PLEC: variants seen among roughly 807,000 people sequenced by gnomAD.
PLEC encodes plectin.
A neutral mutation model predicts 392.8 loss-of-function variants in PLEC; 216 were observed. The ratio of observed to expected loss-of-function variants is 0.55; its 90% CI spans 0.49 to 0.62. The LOEUF is 0.62. PLEC is among the 20% of genes least tolerant of loss of function. The probability of loss-of-function intolerance (pLI) is 0.00; values close to 1 mark genes in which losing one functional copy is unlikely to be tolerated. For missense variants in PLEC, 6,863 were observed against 6,563.4 expected (o/e 1.05, Z -1.58); for synonymous variants, 3,621 against 2,980.6 (o/e 1.21, Z -7.00).
At chr8:143,974,333 G>A (rs888655668), upstream of PLEC, among the ~76,000 whole-genome samples, 2 of 152,252 alleles carry the variant, frequency 1.3e-5, no homozygotes, top group South Asian at 4.1e-4. This position sits in a 1 kb window ranked among gnomAD's most constrained non-coding sequence, Gnocchi z 5.9. Context: ...GAAAGCCCAG[G>A]CGTGGGAACG....
At position 143,922,625 on chromosome 8, in the gene PLEC, T is replaced by G; in HGVS notation, c.7304A>C (p.Glu2435Ala). The G allele has an allele frequency of 6.2e-7, 1 of 1,613,644 alleles. No homozygotes were observed. The highest frequency in any genetic ancestry group is 8.5e-7 in the Non-Finnish European group (1 of 1,179,982). ...QEKVTLVQTL[E>A]IQRQQSDHDA... Reference sequence around the variant, plus strand: ...ATGGTCACTCTGCTGTCGCTGGATCTCCAGTGTCTGCACCAGGGTCACCTT... The same window carrying G: ...ATGGTCACTCTGCTGTCGCTGGATCGCCAGTGTCTGCACCAGGGTCACCTT... The change falls in exon 31 of 32, where the codon GAG (glutamate) becomes GCG (alanine). Residue 2435 changes from glutamate (E) to alanine (A), a missense_variant. Physicochemically the swap from Glu to Ala is moderately radical, Grantham distance 107 (BLOSUM62 -1). Coordinates refer to ENST00000345136, the MANE Select transcript of PLEC (RefSeq NM_201384.3).
intron 8 of PLEC, 25 bp from the exon 9 acceptor site, chr8:143,934,954 CA>C: frequency 6.2e-7 from 1 of 1,610,564 alleles, no homozygotes; most frequent in Non-Finnish European, 8.5e-7. Context: ...GGGCGGCTGT[CA>C]GGGGTCGTCG....
chr8:143,944,790 G>T, intron 1 of PLEC: 1 of 1,014,076 alleles, frequency 9.9e-7, no homozygotes, highest in Non-Finnish European at 1.3e-6. Flanking sequence ...CGGCCGTGCT[G>T]CTGTCAGCAG....
At chr8:143,929,370 G>T (rs1554710744) in intron 24 of PLEC, 44 bp downstream of exon 24, 1 of 1,382,540 alleles carries the variant, frequency 7.2e-7, no homozygotes, top group East Asian at 2.6e-5. Flanking sequence ...TGGGAGGAGG[G>T]ATGGGGAGAG....
Position 143,932,477 on chromosome 8 carries a change from C to T in PLEC, c.1900G>A (p.Glu634Lys), listed in dbSNP as rs781918044. The T allele has an allele frequency of 1.9e-6, 3 of 1,612,724 alleles. No individual in the cohort carries two copies. Among genetic ancestry groups the T allele is most frequent in the South Asian group, 2.2e-5 (2 of 91,090 alleles). ...AAGCCCACCTCCTCCTCCTCCTTCTCATTCAGCCACATTAGCTCCTTAGTG... is the reference window on the plus strand; with the variant it reads ...AAGCCCACCTCCTCCTCCTCCTTCTTATTCAGCCACATTAGCTCCTTAGTG... The part of the protein sequence containing the change: ...AATKELMWLN[E>K]KEEEEVGFDW... Residue 634 changes from glutamate (E) to lysine (K), a missense_variant, in exon 16 of 32, where the codon GAG (glutamate) becomes AAG (lysine). Glu to Lys is a moderately conservative substitution (Grantham distance 56). Transcript: ENST00000345136.
At position 143,927,857 on chromosome 8, in the gene PLEC, CAG is replaced by C. The variant is rs782622948; in HGVS notation, c.3394_3395del (p.Leu1132GlufsTer20). 6.3e-7 allele frequency: 1 copy of C among 1,591,348 alleles called. No individual in the cohort carries two copies. The highest frequency in any genetic ancestry group is 1.1e-5 in the South Asian group (1 of 88,350). ...AGCCCAAGCCTCGAAACGATACCTT[CAG>C]AGAGGCCTTGGTGGCCTCGAGCTCC... ...LPELEATKASLKKLRAQAEAQ... is the reference protein window; with the variant it reads ...LPELEATKASXKKLRAQAEAQ... On this transcript the variant is annotated frameshift_variant, in exon 26 of 32. Coordinates refer to ENST00000345136, the MANE Select transcript of PLEC (RefSeq NM_201384.3). LOFTEE classifies it high-confidence loss of function.
rs1485489896 is a variant in PLEC at position 143,930,435 on chromosome 8, G to A, written c.2406C>T (p.Pro802=). The A allele has an allele frequency of 1.3e-6, 2 of 1,574,696 alleles. No individual in the cohort carries two copies. The highest frequency in any genetic ancestry group is 4.7e-5 in the East Asian group (2 of 42,602). ...VQLKPRHPAH[P]MRGRLPLLAV... ...CCAGCAGGGGCAGGCGGCCCCGCAT[G>A]GGGTGGGCTGGGTGGCGGGGCTTCA... is the stretch of plus-strand genomic sequence containing the variant. The change falls in exon 20 of 32, where the codon CCC becomes CCT. Residue 802 remains proline (P), a synonymous_variant. Coordinates refer to ENST00000345136, the MANE Select transcript of PLEC (RefSeq NM_201384.3).
In PLEC at chr8:143,924,723, G is replaced by A; in HGVS notation, c.5206C>T (p.Leu1736=). 6.5e-7 allele frequency: 1 copy of A among 1,533,936 alleles called. No individual in the cohort carries two copies. The highest frequency in any genetic ancestry group is 8.7e-7 in the Non-Finnish European group (1 of 1,145,940). Residue 1736 remains leucine, a synonymous_variant, in exon 31 of 32, where the codon CTG becomes TTG. Coordinates refer to ENST00000345136, the MANE Select transcript of PLEC (RefSeq NM_201384.3). ...GCCGCCTCACGCTGCAGCCGGGCCA[G>A]CTCCTCCTCCAGCAGCTGCCGCTGC... is the stretch of plus-strand genomic sequence containing the variant. ...EQQRQLLEEE[L]ARLQREAAAA...
upstream of PLEC, among the ~76,000 whole-genome samples, chr8:143,944,448 C>T (rs1329899740): frequency 2.6e-5 from 4 of 152,366 alleles, no homozygotes; most frequent in East Asian, 1.9e-4. Context: ...CCTTCAACTT[C>T]GCCCTCCTCA....
chr8:143,915,637 G>C lies in PLEC; in HGVS notation c.*540C>G, dbSNP rs958654770. ...GGCCAGGGGTCTCAGGAGTGAGTGTGGGGGGTGAGCTGGAAAGCACAGATC... is the reference window on the plus strand; with the variant it reads ...GGCCAGGGGTCTCAGGAGTGAGTGTCGGGGGTGAGCTGGAAAGCACAGATC... On this transcript the variant is annotated 3_prime_UTR_variant, in exon 32 of 32. Transcript: ENST00000345136. 2 of 152,682 alleles carry C rather than the reference G, an allele frequency of 1.3e-5. No individual in the cohort carries two copies. Among genetic ancestry groups the C allele is most frequent in the Non-Finnish European group, 2.9e-5 (2 of 68,342 alleles). The allele number at this position is 152,682 out of a possible 1,614,324, so 9.5% of individuals were successfully genotyped here. A position where few individuals can be genotyped will look rare whatever the true frequency, so the allele number is the denominator to read the frequency against.
Position 143,918,448 on chromosome 8 carries a change from G to A in PLEC, c.11373C>T (p.Ile3791=), listed in dbSNP as rs782573219. The part of the protein sequence containing the change: ...SLFQAMKKEL[I]PTEEALRLLD... ...GCAGCCGCAGGGCCTCCTCAGTAGG[G>A]ATCAGCTCCTTCTTCATGGCCTGGA... Residue 3791 remains isoleucine, a synonymous_variant, in exon 32 of 32, where the codon ATC becomes ATT. Transcript: ENST00000345136. 1.3e-5 allele frequency: 21 copies of A among 1,586,686 alleles called. No individual in the cohort carries two copies. The highest frequency in any genetic ancestry group is 3.6e-5 in the Admixed American group (2 of 56,124).
Position 143,917,229 on chromosome 8 carries a change from G to A in PLEC, c.12592C>T (p.Arg4198Cys), listed in dbSNP as rs199747509. 1.7e-5 allele frequency: 28 copies of A among 1,612,744 alleles called. No homozygotes were observed. The highest frequency in any genetic ancestry group is 5.0e-5 in the Admixed American group (3 of 60,000). Residue 4198 changes from arginine to cysteine, a missense_variant, in exon 32 of 32, where the codon CGC becomes TGC. Transcript: ENST00000345136. ...TCGATGTCGTACTGGCGCCCGGAGC[G>A]GCGGTCGATGATCATGGACTTGACC... ...GVVKSMIIDR[R>C]SGRQYDIDDA...
chr8:143,927,469 T>C lies in PLEC; in HGVS notation c.3697A>G (p.Ile1233Val), dbSNP rs782317491. ...CTGTCGGCCAGCGGCATGGCCTGGA[T>C]CTGCTCCTGCCGCCGCCTGGCGTCC... ...LQDARRRQEQIQAMPLADSQA... is the reference protein window; with the variant it reads ...LQDARRRQEQVQAMPLADSQA... The change falls in exon 27 of 32, where the codon ATC becomes GTC. Residue 1233 changes from isoleucine (I) to valine (V), a missense_variant. Transcript: ENST00000345136. The C allele has an allele frequency of 2.5e-6, 4 of 1,597,458 alleles. No individual in the cohort carries two copies. Among genetic ancestry groups the C allele is most frequent in the Admixed American group, 1.7e-5 (1 of 59,778 alleles).
In PLEC at chr8:143,924,037, C is replaced by T. The variant is rs1564031735; in HGVS notation, c.5892G>A (p.Gln1964=). 6.3e-7 allele frequency: 1 copy of T among 1,595,300 alleles called. No individual in the cohort carries two copies. Among genetic ancestry groups the T allele is most frequent in the South Asian group, 1.1e-5 (1 of 90,584 alleles). The change falls in exon 31 of 32, where the codon CAG becomes CAA. Residue 1964 remains glutamine, a synonymous_variant. Transcript: ENST00000345136. ...NAEDTLRSKE[Q]AELEAARQRQ... ...GCTGCCTCGCAGCCTCCAGCTCGGC[C>T]TGCTCCTTGCTGCGCAGCGTGTCCT...
chr8:143,961,062 C>T (rs1358899637), intron 1 of PLEC, among the ~76,000 whole-genome samples: 3 of 152,388 alleles, frequency 2.0e-5, no homozygotes, highest in East Asian at 3.9e-4. Flanking sequence ...CGGACACACA[C>T]TGCGCGTTTG....
chr8:143,938,997 C>T (rs1003823650), intron 1 of PLEC, among the ~76,000 whole-genome samples: 3 of 76,614 alleles, frequency 3.9e-5, no homozygotes, highest in Non-Finnish European at 1.3e-4. Context: ...GTCCTGCAGT[C>T]CCCCCCGGCC....
chr8:143,943,250 G>A (rs1830835949), upstream of PLEC, among the ~76,000 whole-genome samples: 1 of 152,226 alleles, frequency 6.6e-6, no homozygotes, highest in Non-Finnish European at 1.5e-5. Context: ...CCAATCCCCA[G>A]GGCCCCGCCC....
chr8:143,929,544 C>G lies in PLEC; in HGVS notation c.2951G>C (p.Arg984Pro). 1 of 1,612,584 alleles carries G rather than the reference C, an allele frequency of 6.2e-7. No homozygotes were observed. The highest frequency in any genetic ancestry group is 8.5e-7 in the Non-Finnish European group (1 of 1,179,912). Residue 984 changes from arginine (R) to proline (P), a missense_variant, in exon 24 of 32, where the codon CGC becomes CCC. By Grantham distance (103) the Arg-to-Pro change is moderately radical (BLOSUM62 -2). Coordinates refer to ENST00000345136, the MANE Select transcript of PLEC (RefSeq NM_201384.3). ...GATGTCTTTGAGCTCGGAGATGCAGCGCTGGCAGCGAGACTCTTCCTGTGC... is the reference window on the plus strand; with the variant it reads ...GATGTCTTTGAGCTCGGAGATGCAGGGCTGGCAGCGAGACTCTTCCTGTGC... ...QGAQEESRCQRCISELKDIRL... is the reference protein window; with the variant it reads ...QGAQEESRCQPCISELKDIRL...
upstream of PLEC, chr8:143,943,730 G>A (rs552631975): frequency 3.7e-5 from 58 of 1,556,514 alleles, 2 homozygotes; most frequent in South Asian, 2.7e-4. Context: ...GGAGGCAGGC[G>A]GCCCCTCTGC....
Sources: allele counts gnomAD v4.1 joint callset (sites outside exome capture counted in the v4.1 genomes callset), GRCh38; gene constraint gnomAD v4.1.1; non-coding constraint Gnocchi (gnomAD v3.1); transcripts MANE v1.5; gene names NCBI Gene and HGNC (gene_info 2026-07-23, HGNC 2026-07-21).